PTPN13: variants seen among roughly 807,000 people sequenced by gnomAD.
The protein encoded by PTPN13 is protein tyrosine phosphatase non-receptor type 13.
PTPN13 carries 191 observed loss-of-function variants against 284.0 expected under a neutral mutation model. The ratio of observed to expected loss-of-function variants is 0.67; its 90% CI spans 0.60 to 0.76. PTPN13 has a LOEUF of 0.76. Ranked by LOEUF, PTPN13 falls within the 30% of genes least tolerant of loss-of-function variation. The pLI, the probability that PTPN13 is intolerant of heterozygous loss-of-function variation, is 0.00. For missense variants in PTPN13, 2,797 were observed against 2,939.9 expected (o/e 0.95, Z 1.12); for synonymous variants, 986 against 1,022.3 (o/e 0.96, Z 0.68).
Position 86,640,380 on chromosome 4 carries a change from T to C in PTPN13, c.115+5009T>C, listed in dbSNP as rs116675215. Among the ~76,000 whole-genome samples the C allele has an allele frequency of 6.6e-3, 1,000 of 152,310 alleles. 9 individuals are homozygous for C. The highest frequency in any genetic ancestry group is 0.022 in the African/African-American group (914 of 41,570). On this transcript the variant is annotated intron_variant, in intron 2 of 47. Coordinates refer to ENST00000411767, the MANE Select transcript of PTPN13 (RefSeq NM_080683.3). ...ATGTAGCTATACTCCAAAGGTGTTA[T>C]TGAAGGAAAGATATGTTGATGGCAC...
chr4:86,809,623 G>A (rs772239584), intron 45 of PTPN13, 146 bp from the exon 46 acceptor site: 23 of 665,022 alleles, frequency 3.5e-5, no homozygotes, highest in Non-Finnish European at 5.2e-5. Context: ...CCTGGGAGGC[G>A]GAGGCTGCAG....
chr4:86,641,645 T>C (rs1723798847), intron 2 of PTPN13, among the ~76,000 whole-genome samples: 1 of 152,202 alleles, frequency 6.6e-6, no homozygotes, highest in South Asian at 2.1e-4. Flanking sequence ...TGTAAAACTT[T>C]TGATAATCAT....
intron 29 of PTPN13, 33 bp from the exon 30 acceptor site, chr4:86,770,068 T>A (rs1330492399): frequency 1.2e-6 from 2 of 1,611,424 alleles, no homozygotes; most frequent in East Asian, 4.5e-5. Context: ...CTGGTTTAAC[T>A]GTACCTTCAT....
At chr4:86,607,145 T>TTTTTTTAAAAACAGTTTTTTA (rs1226504301) in intron 1 of PTPN13, among the ~76,000 whole-genome samples, 1 of 151,872 alleles carries the variant, frequency 6.6e-6, no homozygotes, top group African/African-American at 2.4e-5. Flanking sequence ...TTAAAACTGT[T>TTTTTTTAAAAACAGTTTTTTA]AATCTTTTTT....
At chr4:86,686,366 G>C (rs1729457215) in intron 3 of PTPN13, among the ~76,000 whole-genome samples, 1 of 151,652 alleles carries the variant, frequency 6.6e-6, no homozygotes, top group Non-Finnish European at 1.5e-5. Flanking sequence ...AAAAAAAAAA[G>C]CAAGGTGCCT....
At chr4:86,603,951 A>G (rs1299884522) in intron 1 of PTPN13, among the ~76,000 whole-genome samples, 4 of 152,082 alleles carry the variant, frequency 2.6e-5, no homozygotes, top group Admixed American at 6.5e-5. Flanking sequence ...ATTAATTTAT[A>G]TAATTAAAAA....
chr4:86,658,369 T>C (rs1726095802), intron 2 of PTPN13, among the ~76,000 whole-genome samples: 1 of 152,180 alleles, frequency 6.6e-6, no homozygotes, highest in Admixed American at 6.5e-5. Flanking sequence ...AATGCCTCTT[T>C]CCTTGATAAA....
Position 86,731,849 on chromosome 4 carries a change from C to T in PTPN13, c.1609-551C>T, listed in dbSNP as rs111581387. The stretch of plus-strand genomic sequence containing the variant: ...TAGAAACAGGGTCTAACTATGTTGC[C>T]CAGGTTGGTCTGAAACTCCTGGCCT... On this transcript the variant is annotated intron_variant, in intron 10 of 47. Transcript: ENST00000411767. Among the ~76,000 whole-genome samples the T allele has an allele frequency of 1.3e-3, 192 of 152,128 alleles. 2 individuals are homozygous for T. The highest frequency in any genetic ancestry group is 4.4e-3 in the African/African-American group (182 of 41,510).
chr4:86,665,756 C>T (rs1266869796), intron 2 of PTPN13, among the ~76,000 whole-genome samples: 5 of 151,938 alleles, frequency 3.3e-5, no homozygotes, highest in Admixed American at 1.3e-4. Context: ...TAGAATAGAA[C>T]GGTTTGAGAA....
intron 1 of PTPN13, among the ~76,000 whole-genome samples, chr4:86,615,857 C>G (rs756242693): frequency 2.0e-5 from 3 of 152,172 alleles, no homozygotes; most frequent in Non-Finnish European, 4.4e-5. Context: ...CTCCTACTCT[C>G]TTCCCCAATG....
At chr4:86,773,101 T>TA in intron 32 of PTPN13, 143 bp downstream of exon 32, 2 of 627,036 alleles carry the variant, frequency 3.2e-6, no homozygotes, top group Non-Finnish European at 5.1e-6. Context: ...TCTGGTATGT[T>TA]TCTGTGCTGA....
At chr4:86,779,750 A>G (rs1318443050) in intron 35 of PTPN13, among the ~76,000 whole-genome samples, 1 of 152,148 alleles carries the variant, frequency 6.6e-6, no homozygotes, top group Non-Finnish European at 1.5e-5. Flanking sequence ...TCTTCTCTCA[A>G]TTATCAGCAA....
chr4:86,672,247 A>C (rs372955868), intron 2 of PTPN13, 118 bp from the exon 3 acceptor site: 1 of 783,144 alleles, frequency 1.3e-6, no homozygotes, highest in Non-Finnish European at 1.9e-6. Context: ...ACTACTTATT[A>C]ACATCTATAC....
chr4:86,616,619 G>A (rs963394626), intron 1 of PTPN13, among the ~76,000 whole-genome samples: 3 of 151,920 alleles, frequency 2.0e-5, no homozygotes, highest in African/African-American at 7.3e-5. Context: ...CTTGCTCTGG[G>A]TTCATACGAG....
intron 20 of PTPN13, 100 bp from the exon 21 acceptor site, chr4:86,758,160 C>T: frequency 1.5e-6 from 1 of 681,172 alleles, no homozygotes; most frequent in Non-Finnish European, 2.4e-6. Flanking sequence ...AGTGACTGAG[C>T]AATTAACACA....
intron 5 of PTPN13, among the ~76,000 whole-genome samples, chr4:86,691,744 T>C (rs914365674): frequency 5.3e-5 from 8 of 152,174 alleles, no homozygotes; most frequent in African/African-American, 1.9e-4. Context: ...GGAGACATAA[T>C]TGGAACTGGG....
intron 38 of PTPN13, among the ~76,000 whole-genome samples, chr4:86,784,811 G>A (rs923920707): frequency 1.3e-5 from 2 of 152,060 alleles, no homozygotes; most frequent in Admixed American, 6.6e-5. Context: ...TTGTGAAGTA[G>A]CAATTCACAG....
At chr4:86,780,615 T>A in intron 36 of PTPN13, 143 bp downstream of exon 36, 2 of 666,228 alleles carry the variant, frequency 3.0e-6, no homozygotes, top group Non-Finnish European at 5.4e-6. Context: ...CTGCCAGCTG[T>A]TCACTTGAAG....
At chr4:86,686,629 AAAT>A (rs1578414541) in intron 3 of PTPN13, 78 bp from the exon 4 acceptor site, 2 of 925,284 alleles carry the variant, frequency 2.2e-6, no homozygotes, top group South Asian at 1.6e-5. Flanking sequence ...CTTTGGAACA[AAAT>A]AATCTGTTTT....
Sources: allele counts gnomAD v4.1 joint callset (sites outside exome capture counted in the v4.1 genomes callset), GRCh38; gene constraint gnomAD v4.1.1; transcripts MANE v1.5; gene names NCBI Gene and HGNC (gene_info 2026-07-23, HGNC 2026-07-21).